RAB3GAP1: variants seen among roughly 807,000 people sequenced by gnomAD.
RAB3GAP1 encodes rab3 GTPase-activating protein catalytic subunit.
Under a neutral mutation model 130.7 loss-of-function variants are expected in RAB3GAP1, and 86 were observed. The ratio of observed to expected loss-of-function variants is 0.66; its 90% CI spans 0.55 to 0.79. The LOEUF (loss-of-function observed/expected upper bound fraction) is 0.79. Among genes scored for constraint, RAB3GAP1 ranks in the 30% least tolerant of loss-of-function variants. The pLI is 0.00. For synonymous variants in RAB3GAP1, 367 were observed against 401.7 expected, an observed-to-expected ratio of 0.91 and a Z score of 1.03; for missense variants, 1,029 against 1,169.4, an observed-to-expected ratio of 0.88 and a Z score of 1.75.
At chr2:135,110,793 A>T (rs1405790747) in intron 5 of RAB3GAP1, among the ~76,000 whole-genome samples, 1 of 152,234 alleles carries the variant, frequency 6.6e-6, no homozygotes, top group Non-Finnish European at 1.5e-5. Flanking sequence ...TGTACTTTTG[A>T]AAAGAAGCTT....
intron 3 of RAB3GAP1, among the ~76,000 whole-genome samples, chr2:135,062,234 A>C (rs1689197102): frequency 6.6e-6 from 1 of 152,066 alleles, no homozygotes; most frequent in Non-Finnish European, 1.5e-5. Flanking sequence ...TGATTACTGT[A>C]GTTTCAGGTT....
intron 3 of RAB3GAP1, chr2:135,058,297 A>G: frequency 1.9e-6 from 1 of 515,058 alleles, no homozygotes; most frequent in Non-Finnish European, 3.4e-6. Context: ...AAAGTTATAT[A>G]TATGTGTGTG....
chr2:135,087,292 A>G (rs958189548), intron 3 of RAB3GAP1, among the ~76,000 whole-genome samples: 7 of 152,126 alleles, frequency 4.6e-5, no homozygotes, highest in Non-Finnish European at 1.0e-4. Context: ...CCTATACTAT[A>G]CTGTCTTAAT....
At chr2:135,111,435 A>G (rs1690798572) in intron 5 of RAB3GAP1, among the ~76,000 whole-genome samples, 1 of 152,202 alleles carries the variant, frequency 6.6e-6, no homozygotes. Flanking sequence ...ACTGAATGAG[A>G]AGTTTTAATT....
At chr2:135,141,922 G>C (rs1470342582) in intron 17 of RAB3GAP1, among the ~76,000 whole-genome samples, 1 of 151,974 alleles carries the variant, frequency 6.6e-6, no homozygotes, top group Non-Finnish European at 1.5e-5. Context: ...TCGTGTGCCA[G>C]TAATGTACTG....
intron 3 of RAB3GAP1, among the ~76,000 whole-genome samples, chr2:135,076,225 A>G (rs1487569639): frequency 6.6e-6 from 1 of 152,150 alleles, no homozygotes; most frequent in African/African-American, 2.4e-5. Flanking sequence ...ACAGATTTCT[A>G]AAAGTGGAAT....
chr2:135,135,378 T>C, intron 16 of RAB3GAP1, 59 bp downstream of exon 16: 1 of 1,513,566 alleles, frequency 6.6e-7, no homozygotes, highest in Non-Finnish European at 9.2e-7. Flanking sequence ...ATTATTCTAA[T>C]ACTAAATGTA....
chr2:135,162,742 A>G lies in RAB3GAP1; in HGVS notation c.2387-6A>G. 1 of 1,610,326 alleles carries G rather than the reference A, an allele frequency of 6.2e-7. No individual in the cohort carries two copies. The highest frequency in any genetic ancestry group is 8.5e-7 in the Non-Finnish European group (1 of 1,176,540). On this transcript the variant is annotated splice_region_variant and splice_polypyrimidine_tract_variant and intron_variant, in intron 20 of 23. Transcript: ENST00000264158. ...TTAATGCTGGCTTCAATCTTTTCTA[A>G]AATAGAAAGTCTCGAAAACATTTCT...
chr2:135,062,614 G>T (rs1173626768), intron 3 of RAB3GAP1, among the ~76,000 whole-genome samples: 1 of 152,214 alleles, frequency 6.6e-6, no homozygotes, highest in Non-Finnish European at 1.5e-5. Flanking sequence ...TGAATTTGTA[G>T]ATCACTTTGG....
intron 17 of RAB3GAP1, among the ~76,000 whole-genome samples, chr2:135,143,157 G>T (rs1264313786): frequency 2.0e-5 from 3 of 151,460 alleles, no homozygotes; most frequent in African/African-American, 7.3e-5. Flanking sequence ...TTTATTTCTT[G>T]TATCAACTTT....
chr2:135,117,765 G>GCTT (rs1691065575), intron 7 of RAB3GAP1, among the ~76,000 whole-genome samples: 7 of 30,364 alleles, frequency 2.3e-4, no homozygotes, highest in African/African-American at 5.1e-4. Context: ...TGCTTCTTCT[G>GCTT]CTGCTTCTTC....
chr2:135,159,188 G>A (rs1027743208), intron 19 of RAB3GAP1, among the ~76,000 whole-genome samples: 1 of 152,198 alleles, frequency 6.6e-6, no homozygotes, highest in Admixed American at 6.5e-5. Context: ...AATTCTAAAT[G>A]TATATAGATA....
intron 8 of RAB3GAP1, among the ~76,000 whole-genome samples, chr2:135,122,895 T>A (rs1436425490): frequency 6.6e-6 from 1 of 152,032 alleles, no homozygotes; most frequent in Non-Finnish European, 1.5e-5. Flanking sequence ...GCCTGGCTAA[T>A]TTTTGTATTT....
At chr2:135,059,820 C>T (rs1242374513) in intron 3 of RAB3GAP1, among the ~76,000 whole-genome samples, 1 of 152,024 alleles carries the variant, frequency 6.6e-6, no homozygotes, top group Non-Finnish European at 1.5e-5. Context: ...CTGTTTCTCC[C>T]TACTAGATAG....
At chr2:135,140,205 T>C (rs988191527) in intron 17 of RAB3GAP1, among the ~76,000 whole-genome samples, 1 of 152,214 alleles carries the variant, frequency 6.6e-6, no homozygotes, top group African/African-American at 2.4e-5. Flanking sequence ...GCTGTGAACA[T>C]TCTTGTTTCT....
At chr2:135,132,132 G>A (rs891644898) in intron 13 of RAB3GAP1, among the ~76,000 whole-genome samples, 6 of 152,216 alleles carry the variant, frequency 3.9e-5, no homozygotes, top group Admixed American at 3.3e-4. Flanking sequence ...TATTGGACAT[G>A]TTCTATAATG....
intron 3 of RAB3GAP1, among the ~76,000 whole-genome samples, chr2:135,083,912 T>C (rs1468330980): frequency 6.6e-6 from 1 of 152,052 alleles, no homozygotes; most frequent in African/African-American, 2.4e-5. Flanking sequence ...GTATACCTTT[T>C]TTAGAGAAAT....
At chr2:135,145,399 TACACACACACAC>T (rs10603690) in intron 17 of RAB3GAP1, among the ~76,000 whole-genome samples, 1 of 147,014 alleles carries the variant, frequency 6.8e-6, no homozygotes, top group Non-Finnish European at 1.5e-5. Context: ...CACACACACA[TACACACACACAC>T]ACACACACAC....
At chr2:135,086,485 G>T (rs1315406774) in intron 3 of RAB3GAP1, among the ~76,000 whole-genome samples, 3 of 151,858 alleles carry the variant, frequency 2.0e-5, no homozygotes, top group Non-Finnish European at 4.4e-5. Flanking sequence ...GTAGTCATCT[G>T]GTAATTAATC....
Sources: gnomAD v4.1 joint callset for allele counts (sites outside exome capture counted in the v4.1 genomes callset) on GRCh38, gnomAD v4.1.1 for gene constraint, MANE v1.5 for transcripts, NCBI Gene and HGNC (gene_info 2026-07-23, HGNC 2026-07-21) for gene names.